SHISA9: variants seen among roughly 807,000 people sequenced by gnomAD.
SHISA9 encodes the protein protein shisa-9.
SHISA9 carries 13 observed loss-of-function variants against 38.0 expected under a neutral mutation model. The ratio of observed to expected loss-of-function variants is 0.34; its 90% CI spans 0.22 to 0.54. The LOEUF is 0.54. Among genes scored for constraint, SHISA9 ranks in the 20% least tolerant of loss-of-function variants. The pLI, the probability that SHISA9 is intolerant of heterozygous loss-of-function variation, is 0.91. For synonymous variants in SHISA9, 275 were observed against 242.0 expected, an observed-to-expected ratio of 1.14 and a Z score of -1.27; for missense variants, 538 against 575.8, an observed-to-expected ratio of 0.93 and a Z score of 0.67.
In SHISA9 at chr16:13,186,847, C is replaced by T. The variant is rs550569784; in HGVS notation, c.692-16547C>T. On this transcript the variant is annotated intron_variant, in intron 2 of 4. Coordinates refer to ENST00000558583, the MANE Select transcript of SHISA9 (RefSeq NM_001145204.3). ...TAGTCTTTTTGTGACTGGCTAATTT[C>T]ACTTAGCATAAATAATGTTGTCAAG... Among the ~76,000 whole-genome samples the T allele has an allele frequency of 4.0e-4, 61 of 152,316 alleles. 3 individuals are homozygous for T. The South Asian group carries it at 0.013, about 32-fold the overall frequency.
the SHISA9 span, among the ~76,000 whole-genome samples, chr16:13,357,722 G>A: frequency 6.6e-6 from 1 of 151,960 alleles, no homozygotes; most frequent in Admixed American, 6.6e-5. Flanking sequence ...ATTTGGATAG[G>A]TAAAGGAAAA....
intron 2 of SHISA9, among the ~76,000 whole-genome samples, chr16:12,925,473 G>GTATGTGTGTGTGTGTA (rs113968316): frequency 6.6e-6 from 1 of 150,490 alleles, no homozygotes; most frequent in Non-Finnish European, 1.5e-5. Flanking sequence ...GTGTGTGTGT[G>GTATGTGTGTGTGTGTA]CAAGCAACAG....
intron 2 of SHISA9, among the ~76,000 whole-genome samples, chr16:13,088,306 C>G (rs1470070262): frequency 1.3e-5 from 2 of 152,118 alleles, no homozygotes; most frequent in Non-Finnish European, 2.9e-5. Flanking sequence ...GGAATGCAGG[C>G]TCTTTTGTGG....
chr16:13,353,264 G>A, the SHISA9 span, among the ~76,000 whole-genome samples: 1 of 152,122 alleles, frequency 6.6e-6, no homozygotes, highest in East Asian at 1.9e-4. Context: ...TGATGGCCTG[G>A]ATACGGTTTT....
the SHISA9 span, among the ~76,000 whole-genome samples, chr16:13,530,155 G>A: frequency 1.3e-5 from 2 of 152,200 alleles, no homozygotes; most frequent in Admixed American, 6.5e-5. Flanking sequence ...AAAAAAATTA[G>A]CCAGGCCTGG....
At chr16:13,433,294 C>T in the SHISA9 span, among the ~76,000 whole-genome samples, 1 of 152,158 alleles carries the variant, frequency 6.6e-6, no homozygotes, top group Admixed American at 6.5e-5. Flanking sequence ...GAGAGATTTC[C>T]TCAATCTGTC....
intron 2 of SHISA9, among the ~76,000 whole-genome samples, chr16:13,077,759 G>C (rs1447995118): frequency 6.6e-6 from 1 of 151,808 alleles, no homozygotes; most frequent in Non-Finnish European, 1.5e-5. Flanking sequence ...AAAATGCTCA[G>C]AAGGAAGCCC....
intron 1 of SHISA9, chr16:12,908,415 C>T (rs944967150): frequency 3.2e-5 from 50 of 1,541,622 alleles, no homozygotes; most frequent in Middle Eastern, 1.7e-4. Context: ...GTTGGTTTTG[C>T]AATTTTGCCA....
chr16:13,297,223 G>T, the SHISA9 span, among the ~76,000 whole-genome samples: 2 of 151,992 alleles, frequency 1.3e-5, no homozygotes, highest in Non-Finnish European at 2.9e-5. Flanking sequence ...TTCTATAAAG[G>T]CTACCTTGAT....
chr16:13,356,025 C>T, the SHISA9 span, among the ~76,000 whole-genome samples: 11 of 152,132 alleles, frequency 7.2e-5, no homozygotes, highest in South Asian at 2.1e-4. Flanking sequence ...ATTTCTGGCA[C>T]GTGTAGCAAG....
chr16:13,512,560 A>G, the SHISA9 span, among the ~76,000 whole-genome samples: 2 of 152,178 alleles, frequency 1.3e-5, no homozygotes, highest in African/African-American at 4.8e-5. Context: ...GGACCATCCT[A>G]AGCAAAAAGA....
the SHISA9 span, among the ~76,000 whole-genome samples, chr16:13,399,605 T>C: frequency 1.3e-4 from 20 of 152,212 alleles, no homozygotes; most frequent in Non-Finnish European, 2.4e-4. Context: ...CTTTCTGTTC[T>C]TTCCATGGGT....
intron 2 of SHISA9, among the ~76,000 whole-genome samples, chr16:13,014,036 A>G (rs1266310601): frequency 6.6e-6 from 1 of 152,156 alleles, no homozygotes; most frequent in African/African-American, 2.4e-5. Context: ...GCCTGAAAAT[A>G]ATACCTTTAA....
intron 2 of SHISA9, among the ~76,000 whole-genome samples, chr16:13,110,864 G>T (rs2073971518): frequency 6.6e-6 from 1 of 152,154 alleles, no homozygotes; most frequent in Non-Finnish European, 1.5e-5. Flanking sequence ...GCTCCTTAGT[G>T]GTAACTGATC....
chr16:13,423,406 A>C, the SHISA9 span, among the ~76,000 whole-genome samples: 1 of 152,186 alleles, frequency 6.6e-6, no homozygotes, highest in Non-Finnish European at 1.5e-5. Flanking sequence ...CCTGTAATCT[A>C]CCTTATCCCC....
chr16:12,948,083 C>A (rs4781356), intron 2 of SHISA9, among the ~76,000 whole-genome samples: 28,974 of 152,120 alleles, frequency 0.19, 3,329 homozygotes, highest in Middle Eastern at 0.32. Context: ...TGTGCCAAAC[C>A]AATTGTGTGC....
intron 2 of SHISA9, among the ~76,000 whole-genome samples, chr16:13,154,774 G>A (rs967902428): frequency 1.3e-5 from 2 of 152,228 alleles, no homozygotes; most frequent in African/African-American, 4.8e-5. Flanking sequence ...GATCCCTGTA[G>A]AGAGTTAGGA....
the SHISA9 span, among the ~76,000 whole-genome samples, chr16:13,306,131 C>G: frequency 4.6e-5 from 7 of 152,130 alleles, no homozygotes; most frequent in African/African-American, 1.7e-4. Flanking sequence ...ATGCTGCAAA[C>G]TATGTTTTTT....
the SHISA9 span, among the ~76,000 whole-genome samples, chr16:13,385,838 G>T: frequency 2.0e-5 from 3 of 152,286 alleles, no homozygotes; most frequent in Middle Eastern, 3.4e-3. Flanking sequence ...ACAAACTACT[G>T]GTACACATAA....
Sources: gnomAD v4.1 joint callset for allele counts (sites outside exome capture counted in the v4.1 genomes callset) on GRCh38, gnomAD v4.1.1 for gene constraint, MANE v1.5 for transcripts, NCBI Gene and HGNC (gene_info 2026-07-23, HGNC 2026-07-21) for gene names.